The following APLP1 variants were observed in gnomAD, a reference collection of about 807,000 sequenced individuals.
The protein encoded by APLP1 is amyloid beta precursor like protein 1.
Under a neutral mutation model 84.5 loss-of-function variants are expected in APLP1, and 46 were observed. That is an observed-to-expected ratio of 0.54 (90% confidence interval 0.43 to 0.70). The LOEUF is 0.70. Among genes scored for constraint, APLP1 ranks in the 30% least tolerant of loss-of-function variants. The pLI, the probability that APLP1 is intolerant of heterozygous loss-of-function variation, is 0.00. For synonymous variants in APLP1, 376 were observed against 364.0 expected (o/e 1.03, Z -0.38); for missense variants, 826 against 900.2 (o/e 0.92, Z 1.05).
chr19:35,876,500 T>C lies in APLP1; in HGVS notation c.1345-17T>C. 6.2e-7 allele frequency: 1 copy of C among 1,605,850 alleles called. No homozygotes were observed. The highest frequency in any genetic ancestry group is 1.1e-5 in the South Asian group (1 of 90,930). Reference sequence around the variant, plus strand: ...CCTGCATTGCGCAGTTCATCCTTCATGTCCACTCACCCACAGGTGCATACC... The same window carrying C: ...CCTGCATTGCGCAGTTCATCCTTCACGTCCACTCACCCACAGGTGCATACC... On this transcript the variant is annotated splice_polypyrimidine_tract_variant and intron_variant, in intron 10 of 16. Transcript: ENST00000221891.
At chr19:35,870,858 G>T (rs947496368) in intron 2 of APLP1, 38 bp from the exon 3 acceptor site, 3 of 1,584,262 alleles carry the variant, frequency 1.9e-6, no homozygotes, top group Non-Finnish European at 2.6e-6. Context: ...TGGCAGGGGC[G>T]GGGCAGTGGG....
rs529703079 is a variant in APLP1, at chr19:35,874,553, G to A, written c.1106G>A (p.Arg369Gln). 1.9e-5 allele frequency: 31 copies of A among 1,614,150 alleles called. No homozygotes were observed. The highest frequency in any genetic ancestry group is 1.6e-4 in the South Asian group (15 of 91,076). The change falls in exon 9 of 17, where the codon CGA becomes CAA. Residue 369 changes from arginine to glutamine, a missense_variant. Around this residue, in one of 3 missense-constraint regions of APLP1, gnomAD observed 433 missense variants for 496.5 expected, o/e 0.87. Transcript: ENST00000221891. This position sits in a 1 kb window ranked among gnomAD's most constrained non-coding sequence, Gnocchi z 6.4. ...CTGGAGGAGCAGGTGTCTGGTGAGCGACAGCGCCTGGTGGAAACCCACGCC... is the reference window on the plus strand; with the variant it reads ...CTGGAGGAGCAGGTGTCTGGTGAGCAACAGCGCCTGGTGGAAACCCACGCC... Reference protein sequence around the residue: ...QTLEEQVSGERQRLVETHATR... With the variant: ...QTLEEQVSGEQQRLVETHATR...
chr19:35,877,596 C>G (rs1974314628), intron 11 of APLP1, 122 bp from the exon 12 acceptor site: 1 of 628,440 alleles, frequency 1.6e-6, no homozygotes, highest in African/African-American at 1.9e-5. Flanking sequence ...ACACTTCTGG[C>G]TACCCCACAC....
Position 35,874,729 on chromosome 19 carries a change from T to C in APLP1, c.1216-12T>C. 6.2e-7 allele frequency: 1 copy of C among 1,612,452 alleles called. No homozygotes were observed. The highest frequency in any genetic ancestry group is 8.5e-7 in the Non-Finnish European group (1 of 1,178,906). The stretch of plus-strand genomic sequence containing the variant: ...TCAGGGCGGGCTTGGGCATCCTGTG[T>C]CCCTTCCACAGGCGGAGCGTGTCCT... On this transcript the variant is annotated splice_polypyrimidine_tract_variant and intron_variant, in intron 9 of 16. Transcript: ENST00000221891. The surrounding 1 kb of genome is among the most constrained non-coding windows in gnomAD (Gnocchi z 6.4).
At chr19:35,873,021 G>A (rs1036882153) in intron 7 of APLP1, among the ~76,000 whole-genome samples, 10 of 151,602 alleles carry the variant, frequency 6.6e-5, no homozygotes, top group African/African-American at 2.4e-4. Context: ...CACCACGCCC[G>A]GCTAATTTTT....
intron 1 of APLP1, chr19:35,869,441 G>T (rs975664641): frequency 8.5e-5 from 58 of 682,516 alleles, no homozygotes; most frequent in Non-Finnish European, 1.2e-4. Flanking sequence ...GCGGCAACAA[G>T]GCAGAAAGAA....
At chr19:35,873,983 G>C (rs1397607544) in intron 8 of APLP1, among the ~76,000 whole-genome samples, 1 of 152,130 alleles carries the variant, frequency 6.6e-6, no homozygotes, top group Non-Finnish European at 1.5e-5. Context: ...CCCAAGCCAG[G>C]GCCTCTGCAG....
intron 2 of APLP1, chr19:35,870,649 T>C (rs2146901714): frequency 2.2e-6 from 1 of 456,474 alleles, no homozygotes; most frequent in Non-Finnish European, 3.8e-6. Context: ...CCTGGCATGG[T>C]GGTGCGTGCC....
chr19:35,876,285 A>G lies in APLP1; in HGVS notation c.1345-232A>G, dbSNP rs770025285. ...CATGTCATTTCTATATGACCCTCCA[A>G]TCCTCAATCTCTGTCTCTGGAATCC... is the stretch of plus-strand genomic sequence containing the variant. On this transcript the variant is annotated intron_variant, in intron 10 of 16. Transcript: ENST00000221891. Among the ~76,000 whole-genome samples, 30 of 151,906 alleles carry G rather than the reference A, an allele frequency of 2.0e-4. No homozygotes were observed. The highest frequency in any genetic ancestry group is 1.9e-4 in the Non-Finnish European group (13 of 67,970).
At position 35,874,171 on chromosome 19, in the gene APLP1, A is replaced by T. The variant is rs1276028808; in HGVS notation, c.1057-333A>T. Among the ~76,000 whole-genome samples, 2 of 152,070 alleles carry T rather than the reference A, an allele frequency of 1.3e-5. No individual in the cohort carries two copies. The highest frequency in any genetic ancestry group is 4.8e-5 in the African/African-American group (2 of 41,396). ...TTGTCCCACCCCTATCGTGTCATTT[A>T]TACACAGCCTGTCTCCAGTTTGACC... is the stretch of plus-strand genomic sequence containing the variant. On this transcript the variant is annotated intron_variant, in intron 8 of 16. Coordinates refer to ENST00000221891, the MANE Select transcript of APLP1 (RefSeq NM_001024807.3). The surrounding 1 kb of genome is among the most constrained non-coding windows in gnomAD (Gnocchi z 6.4).
rs144442676 is a variant in APLP1 at position 35,879,083 on chromosome 19, G to A, written c.1723G>A (p.Gly575Arg). 1,449 of 1,612,212 alleles carry A rather than the reference G, an allele frequency of 9.0e-4. 13 individuals are homozygous for A. In the African/African-American group the frequency reaches 0.017, roughly 19 times the overall value. The change falls in exon 16 of 17, where the codon GGG becomes AGG. Residue 575 changes from glycine to arginine, a missense_variant. Physicochemically the swap from Gly to Arg is moderately radical, Grantham distance 125 (BLOSUM62 -2). Transcript: ENST00000221891. Reference protein sequence around the residue: ...EIQRDELAPAGTGVSREAVSG... With the variant: ...EIQRDELAPARTGVSREAVSG... ...TCTCCTCTCCCTGCAGGCACCAGCTGGGACAGGGGTGTCCCGTGAGGCTGT... is the reference window on the plus strand; with the variant it reads ...TCTCCTCTCCCTGCAGGCACCAGCTAGGACAGGGGTGTCCCGTGAGGCTGT...
intron 7 of APLP1, among the ~76,000 whole-genome samples, chr19:35,873,052 G>T (rs1974197227): frequency 6.6e-6 from 1 of 151,606 alleles, no homozygotes; most frequent in South Asian, 2.1e-4. Flanking sequence ...TAGAGACAGG[G>T]TTTCACCATG....
chr19:35,877,748 C>T lies in APLP1; in HGVS notation c.1475C>T (p.Pro492Leu). Residue 492 changes from proline (P) to leucine (L), a missense_variant, in exon 12 of 17, where the codon CCC (proline) becomes CTC (leucine). By Grantham distance (98) the Pro-to-Leu change is moderately conservative (BLOSUM62 -3). Around this residue, in one of 3 missense-constraint regions of APLP1, gnomAD observed 433 missense variants for 496.5 expected, o/e 0.87. Coordinates refer to ENST00000221891, the MANE Select transcript of APLP1 (RefSeq NM_001024807.3). ...QELLHSEHLG[P>L]SELEAPAPGG... ...CTCCTCCACTCTGAACACCTGGGTC[C>T]CAGTGAATTGGAAGCCCCTGCCCCT... The T allele has an allele frequency of 6.2e-7, 1 of 1,609,920 alleles. No homozygotes were observed. Among genetic ancestry groups the T allele is most frequent in the South Asian group, 1.1e-5 (1 of 90,426 alleles).
Position 35,871,853 on chromosome 19 carries a change from C to T in APLP1, c.672-5C>T. On this transcript the variant is annotated splice_region_variant and splice_polypyrimidine_tract_variant and intron_variant, in intron 5 of 16. Coordinates refer to ENST00000221891, the MANE Select transcript of APLP1 (RefSeq NM_001024807.3). ...TACTGCCTGGGTCCTCTCCTGCTCC[C>T]TCAGTGACCCCTCCACCCGGTCCTG... is the stretch of plus-strand genomic sequence containing the variant. 1.9e-6 allele frequency: 3 copies of T among 1,613,770 alleles called. No homozygotes were observed. The highest frequency in any genetic ancestry group is 2.5e-6 in the Non-Finnish European group (3 of 1,179,802).
chr19:35,879,449 C>T lies in APLP1; in HGVS notation c.*8C>T, dbSNP rs571228868. 9.9e-6 allele frequency: 16 copies of T among 1,611,836 alleles called. No individual in the cohort carries two copies. Among genetic ancestry groups the T allele is most frequent in the Middle Eastern group, 2.0e-4 (1 of 5,018 alleles). ...CTGGAGGAACGACCCTGACCCGGCC[C>T]CCTTCACCCCTTCAGCCGAGCCCAG... On this transcript the variant is annotated 3_prime_UTR_variant, in exon 17 of 17. Transcript: ENST00000221891.
chr19:35,871,837 G>A (rs752177367), intron 5 of APLP1, 21 bp from the exon 6 acceptor site: 2 of 1,613,256 alleles, frequency 1.2e-6, no homozygotes, highest in Admixed American at 1.7e-5. Context: ...TTACTGCCTG[G>A]GTCCTCTCCT....
Position 35,878,962 on chromosome 19 carries a change from G to A in APLP1, c.1713+10G>A. The A allele has an allele frequency of 6.2e-7, 1 of 1,614,082 alleles. No homozygotes were observed. Among genetic ancestry groups the A allele is most frequent in the Non-Finnish European group, 8.5e-7 (1 of 1,180,016 alleles). On this transcript the variant is annotated intron_variant, in intron 15 of 16. Transcript: ENST00000221891. ...TCAGAGGGATGAGCTGGTAAGAGGA[G>A]GAACAGCCGGGTACCTAGGGGAAGA...
chr19:35,879,006 A>G (rs1974346501), intron 15 of APLP1, 54 bp downstream of exon 15: 2 of 1,613,674 alleles, frequency 1.2e-6, no homozygotes, highest in Admixed American at 1.7e-5. Context: ...GTCAGCGGCC[A>G]GGCTGTGATT....
At chr19:35,869,538 A>C in intron 1 of APLP1, 129 bp from the exon 2 acceptor site, 1 of 1,303,436 alleles carries the variant, frequency 7.7e-7, no homozygotes, top group Non-Finnish European at 1.1e-6. Flanking sequence ...CGGTGCCTCC[A>C]TGGAGGCGGT....
Sources: gnomAD v4.1 joint callset for allele counts (sites outside exome capture counted in the v4.1 genomes callset) on GRCh38, gnomAD v4.1.1 for gene constraint, gnomAD v4.1.1 regional missense constraint, Gnocchi (gnomAD v3.1) non-coding constraint, MANE v1.5 for transcripts, NCBI Gene and HGNC (gene_info 2026-07-23, HGNC 2026-07-21) for gene names.